Variants in HS3ST3A1 observed in about 807,000 individuals in gnomAD.
HS3ST3A1 encodes the protein heparan sulfate glucosamine 3-O-sulfotransferase 3A1.
Under a neutral mutation model 25.7 loss-of-function variants are expected in HS3ST3A1, and 19 were observed. The ratio of observed to expected loss-of-function variants is 0.74; its 90% CI spans 0.52 to 1.08. The LOEUF (loss-of-function observed/expected upper bound fraction) is 1.08. Ranked by LOEUF, HS3ST3A1 falls within the 50% of genes least tolerant of loss-of-function variation. HS3ST3A1 has a pLI of 0.00. For missense variants in HS3ST3A1, 459 were observed against 594.3 expected (o/e 0.77, Z 2.37); for synonymous variants, 226 against 278.6 (o/e 0.81, Z 1.88).
intron 1 of HS3ST3A1, among the ~76,000 whole-genome samples, chr17:13,507,099 T>G (rs887117338): frequency 6.7e-6 from 1 of 149,004 alleles, no homozygotes; most frequent in African/African-American, 2.5e-5. Context: ...AAAAAAGATG[T>G]CAAAGTCAGA....
At chr17:13,579,943 TAA>T (rs66568347) in intron 1 of HS3ST3A1, among the ~76,000 whole-genome samples, 30,603 of 81,626 alleles carry the variant, frequency 0.37, 4,565 homozygotes, top group Admixed American at 0.5. Context: ...TGACTCTGTC[TAA>T]AAAAAAAAAA....
intron 1 of HS3ST3A1, among the ~76,000 whole-genome samples, chr17:13,535,394 G>A (rs1325932134): frequency 6.6e-6 from 1 of 152,166 alleles, no homozygotes; most frequent in Non-Finnish European, 1.5e-5. Context: ...GCATGAAAGT[G>A]CAAAAACCAA....
In HS3ST3A1 at chr17:13,494,708, C is replaced by G. The variant is rs1262293499; in HGVS notation, c.*1489G>C. Among the ~76,000 whole-genome samples the G allele has an allele frequency of 3.3e-5, 5 of 152,128 alleles. No homozygotes were observed. The highest frequency in any genetic ancestry group is 1.3e-4 in the Admixed American group (2 of 15,266). On this transcript the variant is annotated 3_prime_UTR_variant, in exon 2 of 2. Coordinates refer to ENST00000284110, the MANE Select transcript of HS3ST3A1 (RefSeq NM_006042.3). ...ATATTTCGTGCATATGTGTTCCTCT[C>G]TAAACCAATTTAATTCCCATTAATG...
At chr17:13,587,061 A>G (rs7216066) in intron 1 of HS3ST3A1, among the ~76,000 whole-genome samples, 20,472 of 151,676 alleles carry the variant, frequency 0.13, 1,496 homozygotes, top group African/African-American at 0.16. Flanking sequence ...TTTTTAAGGT[A>G]ACTACTAGAA....
In HS3ST3A1 at chr17:13,601,544, C is replaced by T. The variant is rs1447812963; in HGVS notation, c.-415G>A. 5.9e-6 allele frequency: 1 copy of T among 170,558 alleles called. No individual in the cohort carries two copies. Among genetic ancestry groups the T allele is most frequent in the Non-Finnish European group, 1.2e-5 (1 of 81,152 alleles). 10.6% of individuals were successfully genotyped at this position (170,558 alleles called of 1,614,324 possible). A position where few individuals can be genotyped will look rare whatever the true frequency, so the allele number is the denominator to read the frequency against. On this transcript the variant is annotated 5_prime_UTR_variant, in exon 1 of 2. Transcript: ENST00000284110. ...CGGCGCGGATCTCCGCTCAGCGATC[C>T]TGCATCACTGGCTCGGTCCCCGTGA...
In HS3ST3A1 at chr17:13,496,131, C is replaced by T. The variant is rs1905257115; in HGVS notation, c.*66G>A. On this transcript the variant is annotated 3_prime_UTR_variant, in exon 2 of 2. Transcript: ENST00000284110. ...TTTCAGCACAAATATTAAACTGTCT[C>T]TTCTCTACCGATTGGTAAAAAAATA... 6 of 1,423,766 alleles carry T rather than the reference C, an allele frequency of 4.2e-6. No homozygotes were observed. Among genetic ancestry groups the T allele is most frequent in the Middle Eastern group, 2.4e-4 (1 of 4,152 alleles). 88.2% of individuals were successfully genotyped at this position (1,423,766 alleles called of 1,614,324 possible).
At chr17:13,512,312 A>AACAAAAC (rs1555537357) in intron 1 of HS3ST3A1, among the ~76,000 whole-genome samples, 11 of 150,488 alleles carry the variant, frequency 7.3e-5, no homozygotes, top group Non-Finnish European at 1.6e-4. Flanking sequence ...TCTCAAAAAA[A>AACAAAAC]AAAAAAAAAA....
intron 1 of HS3ST3A1, among the ~76,000 whole-genome samples, chr17:13,586,622 C>T (rs1908273759): frequency 6.6e-6 from 1 of 151,764 alleles, no homozygotes; most frequent in Admixed American, 6.6e-5. Flanking sequence ...AATCCCAACA[C>T]TTTGGGACGC....
Position 13,601,817 on chromosome 17 carries a change from A to G in HS3ST3A1, c.-688T>C. ...CCGGGTTGCTCCAAACTGCTCTTGG[A>G]CCCCACCTGTGAGCCGCGTGGCTGG... On this transcript the variant is annotated 5_prime_UTR_variant, in exon 1 of 2. Coordinates refer to ENST00000284110, the MANE Select transcript of HS3ST3A1 (RefSeq NM_006042.3). The G allele has an allele frequency of 6.7e-6, 1 of 150,210 alleles. No homozygotes were observed. The highest frequency in any genetic ancestry group is 1.5e-5 in the Non-Finnish European group (1 of 68,326). 9.3% of individuals were successfully genotyped at this position (150,210 alleles called of 1,614,324 possible).
At chr17:13,565,757 A>T (rs866129855) in intron 1 of HS3ST3A1, among the ~76,000 whole-genome samples, 2 of 152,140 alleles carry the variant, frequency 1.3e-5, no homozygotes, top group Non-Finnish European at 2.9e-5. Context: ...TTCTGGATTC[A>T]GTCTTTCTTG....
rs73978643 is a variant in HS3ST3A1, at chr17:13,532,195, G to A, written c.600-35377C>T. Among the ~76,000 whole-genome samples, 415 of 152,212 alleles carry A rather than the reference G, an allele frequency of 2.7e-3. 3 individuals are homozygous for A. The highest frequency in any genetic ancestry group is 9.5e-3 in the African/African-American group (394 of 41,542). The stretch of plus-strand genomic sequence containing the variant: ...TGGCAGTTCTGTTTCAGATGAAGAC[G>A]GGCTGCTGAACACAGGATCTTCTAC... On this transcript the variant is annotated intron_variant, in intron 1 of 1. Transcript: ENST00000284110.
chr17:13,496,847 A>G, intron 1 of HS3ST3A1, 29 bp from the exon 2 acceptor site: 1 of 1,600,186 alleles, frequency 6.2e-7, no homozygotes. Context: ...CATGTCAGAG[A>G]TGTGCAGAGA....
chr17:13,517,625 T>A (rs1393062456), intron 1 of HS3ST3A1, among the ~76,000 whole-genome samples: 1 of 152,190 alleles, frequency 6.6e-6, no homozygotes, highest in Non-Finnish European at 1.5e-5. Context: ...TGGGAACTAA[T>A]AATCAATTAT....
chr17:13,534,576 A>AAAAAAAAAAAAAAC (rs1906711803), intron 1 of HS3ST3A1, among the ~76,000 whole-genome samples: 1 of 140,044 alleles, frequency 7.1e-6, no homozygotes, highest in Non-Finnish European at 1.5e-5. Flanking sequence ...AAAAAAAAAA[A>AAAAAAAAAAAAAAC]AGTTAGCCGG....
intron 1 of HS3ST3A1, among the ~76,000 whole-genome samples, chr17:13,512,444 G>T (rs1053922472): frequency 3.9e-5 from 6 of 152,154 alleles, no homozygotes; most frequent in Non-Finnish European, 5.9e-5. Flanking sequence ...TGCTTAACAG[G>T]CATGACGTTT....
chr17:13,535,794 G>C (rs1235377511), intron 1 of HS3ST3A1, among the ~76,000 whole-genome samples: 3 of 152,146 alleles, frequency 2.0e-5, no homozygotes, highest in Admixed American at 6.5e-5. Flanking sequence ...AAACACACCT[G>C]TTCATTGCAA....
At chr17:13,532,337 T>C (rs777756679) in intron 1 of HS3ST3A1, among the ~76,000 whole-genome samples, 10 of 152,120 alleles carry the variant, frequency 6.6e-5, no homozygotes, top group Non-Finnish European at 1.5e-4. Flanking sequence ...TGGTTCTAGT[T>C]AGCAATGGTG....
intron 1 of HS3ST3A1, chr17:13,543,520 G>A (rs73294029): frequency 0.18 from 30,059 of 167,776 alleles, 2,736 homozygotes; most frequent in Admixed American, 0.19. Flanking sequence ...CATTATGGCT[G>A]TTTTTAAATA....
chr17:13,511,446 C>G (rs1478990535), intron 1 of HS3ST3A1, among the ~76,000 whole-genome samples: 1 of 152,022 alleles, frequency 6.6e-6, no homozygotes, highest in Non-Finnish European at 1.5e-5. Context: ...CCAGTGCTTC[C>G]TATCAGAGAG....
Sources: gnomAD v4.1 joint callset for allele counts (sites outside exome capture counted in the v4.1 genomes callset) on GRCh38, gnomAD v4.1.1 for gene constraint, MANE v1.5 for transcripts, NCBI Gene and HGNC (gene_info 2026-07-23, HGNC 2026-07-21) for gene names.